Variants in ZNF804B observed in about 807,000 individuals in gnomAD.
ZNF804B encodes zinc finger protein 804B, also known as zinc finger 804B.
In ZNF804B, 80 loss-of-function variants were observed where a neutral mutation model predicts 101.4. The observed-to-expected ratio is 0.79, with a 90% CI of 0.66 to 0.95. The LOEUF is 0.95. Among genes scored for constraint, ZNF804B ranks in the 40% least tolerant of loss-of-function variants. The probability of loss-of-function intolerance (pLI) is 0.00; values close to 1 mark genes in which losing one functional copy is unlikely to be tolerated. For synonymous variants in ZNF804B, 622 were observed against 558.8 expected (o/e 1.11, Z -1.59); for missense variants, 1,673 against 1,561.9 (o/e 1.07, Z -1.20).
intron 1 of ZNF804B, among the ~76,000 whole-genome samples, chr7:89,160,481 C>CA (rs1250074643): frequency 6.6e-6 from 1 of 152,148 alleles, no homozygotes; most frequent in Non-Finnish European, 1.5e-5. Flanking sequence ...ATGAAAAGAT[C>CA]AATTTAGTTC....
intron 2 of ZNF804B, among the ~76,000 whole-genome samples, chr7:89,325,369 A>T (rs1231779634): frequency 1.3e-5 from 2 of 151,998 alleles, no homozygotes; most frequent in Non-Finnish European, 2.9e-5. Context: ...TCCAAAGCAC[A>T]TTGTGTACAC....
At chr7:88,880,594 T>C (rs548242655) in intron 1 of ZNF804B, among the ~76,000 whole-genome samples, 1 of 152,274 alleles carries the variant, frequency 6.6e-6, no homozygotes, top group Non-Finnish European at 1.5e-5. Context: ...TTTAATTTAA[T>C]GTTCTTTTGG....
intron 1 of ZNF804B, among the ~76,000 whole-genome samples, chr7:89,143,192 C>T (rs1049955790): frequency 1.3e-5 from 2 of 151,850 alleles, no homozygotes; most frequent in Non-Finnish European, 2.9e-5. Flanking sequence ...GGTAAAGCCA[C>T]ATGTAAATTT....
chr7:89,071,646 A>G (rs1208780850), intron 1 of ZNF804B, among the ~76,000 whole-genome samples: 2 of 152,166 alleles, frequency 1.3e-5, no homozygotes, highest in Non-Finnish European at 1.5e-5. Context: ...TCTCAAATTC[A>G]GGTCAATTTT....
chr7:89,012,274 A>G (rs1481757912), intron 1 of ZNF804B, among the ~76,000 whole-genome samples: 1 of 151,992 alleles, frequency 6.6e-6, no homozygotes, highest in African/African-American at 2.4e-5. Flanking sequence ...AGGGCCTGTG[A>G]TAGGAGGGGC....
intron 2 of ZNF804B, among the ~76,000 whole-genome samples, chr7:89,260,728 T>G (rs1347484236): frequency 6.6e-6 from 1 of 152,218 alleles, no homozygotes; most frequent in Non-Finnish European, 1.5e-5. Context: ...TTGGTATAAC[T>G]GCAATGACAA....
intron 1 of ZNF804B, among the ~76,000 whole-genome samples, chr7:88,889,556 T>C (rs1339492518): frequency 1.3e-5 from 2 of 152,198 alleles, no homozygotes; most frequent in Non-Finnish European, 2.9e-5. Context: ...ATTTTTTTCA[T>C]GTTTGTGATG....
intron 1 of ZNF804B, among the ~76,000 whole-genome samples, chr7:88,992,643 T>C (rs1050940315): frequency 2.0e-5 from 3 of 152,132 alleles, no homozygotes; most frequent in African/African-American, 7.2e-5. Flanking sequence ...AATCTGCCTT[T>C]TCATTAACTC....
At chr7:89,236,168 G>T (rs562028750) in intron 2 of ZNF804B, among the ~76,000 whole-genome samples, 4 of 152,138 alleles carry the variant, frequency 2.6e-5, no homozygotes, top group South Asian at 4.1e-4. Flanking sequence ...CCTACCATTT[G>T]CAAAGATCTG....
intron 1 of ZNF804B, among the ~76,000 whole-genome samples, chr7:88,764,797 A>G (rs1365334117): frequency 2.0e-5 from 3 of 152,162 alleles, no homozygotes; most frequent in African/African-American, 7.2e-5. Context: ...TGCAAAATAT[A>G]ATTATGAAGA....
chr7:88,907,156 C>T (rs1057476666), intron 1 of ZNF804B, among the ~76,000 whole-genome samples: 5 of 151,864 alleles, frequency 3.3e-5, no homozygotes, highest in Admixed American at 6.6e-5. Flanking sequence ...TATTAGCTGT[C>T]TTTTTATAAA....
chr7:89,021,481 G>T (rs746829797), intron 1 of ZNF804B, among the ~76,000 whole-genome samples: 8 of 152,100 alleles, frequency 5.3e-5, no homozygotes, highest in Non-Finnish European at 7.4e-5. Flanking sequence ...CCTAGATATG[G>T]GCACAAGGCC....
intron 1 of ZNF804B, among the ~76,000 whole-genome samples, chr7:89,133,711 A>G (rs572349679): frequency 6.6e-6 from 1 of 152,218 alleles, no homozygotes; most frequent in Admixed American, 6.5e-5. Flanking sequence ...TTACAAGCAA[A>G]TAGTAGAAAT....
intron 1 of ZNF804B, among the ~76,000 whole-genome samples, chr7:88,804,382 T>C (rs545997543): frequency 8.7e-4 from 132 of 152,238 alleles, no homozygotes; most frequent in Non-Finnish European, 1.5e-3. Flanking sequence ...AATCTGAAAA[T>C]GGAATACTGT....
intron 1 of ZNF804B, among the ~76,000 whole-genome samples, chr7:89,063,083 A>G (rs1464907614): frequency 6.6e-6 from 1 of 152,144 alleles, no homozygotes; most frequent in East Asian, 1.9e-4. Context: ...AGTACTTAGT[A>G]CAATGTTAGA....
In ZNF804B at chr7:89,301,328, G is replaced by A. The variant is rs547293317; in HGVS notation, c.250-26016G>A. 7.1e-5 allele frequency among the ~76,000 whole-genome samples: 10 copies of A among 140,000 alleles called. No individual in the cohort carries two copies. In the South Asian group the frequency reaches 2.0e-3, roughly 27 times the overall value. 91.8% of individuals were successfully genotyped at this position (140,000 alleles called of 152,430 possible). On this transcript the variant is annotated intron_variant, in intron 2 of 3. Coordinates refer to ENST00000333190, the MANE Select transcript of ZNF804B (RefSeq NM_181646.5). Reference sequence around the variant, plus strand: ...CAACTAAATAAAGTGGCCTGCAGTCGTTGATCTTGACAGGACAATGCAATA... The same window carrying A: ...CAACTAAATAAAGTGGCCTGCAGTCATTGATCTTGACAGGACAATGCAATA...
chr7:89,270,062 A>G (rs998331392), intron 2 of ZNF804B, among the ~76,000 whole-genome samples: 1 of 152,080 alleles, frequency 6.6e-6, no homozygotes, highest in Non-Finnish European at 1.5e-5. Flanking sequence ...GAAACTCTTT[A>G]GATTAATTAG....
In ZNF804B at chr7:89,029,039, A is replaced by G. The variant is rs532404441; in HGVS notation, c.109-189116A>G. Among the ~76,000 whole-genome samples the G allele has an allele frequency of 3.9e-5, 6 of 152,332 alleles. No individual in the cohort carries two copies. In the South Asian group the frequency reaches 1.2e-3, roughly 32 times the overall value. ...TATGAGCTTGACATAGAACCAGCAC[A>G]CATAAGTGCTTATGAACAAATGAAT... On this transcript the variant is annotated intron_variant, in intron 1 of 3. Transcript: ENST00000333190.
At chr7:89,248,948 G>T (rs1338134074) in intron 2 of ZNF804B, among the ~76,000 whole-genome samples, 1 of 146,676 alleles carries the variant, frequency 6.8e-6, no homozygotes, top group South Asian at 2.1e-4. Flanking sequence ...GGAAAAAGAA[G>T]CATCATAAGA....
Sources: gnomAD v4.1 joint callset for allele counts (sites outside exome capture counted in the v4.1 genomes callset) on GRCh38, gnomAD v4.1.1 for gene constraint, MANE v1.5 for transcripts, NCBI Gene and HGNC (gene_info 2026-07-23, HGNC 2026-07-21) for gene names.